The following PARD3B variants were observed in gnomAD, a reference collection of about 807,000 sequenced individuals.
The protein encoded by PARD3B is partitioning defective 3 homolog B.
PARD3B carries 103 observed loss-of-function variants against 130.2 expected under a neutral mutation model. That is an observed-to-expected ratio of 0.79 (90% CI 0.67 to 0.93). The LOEUF is 0.93. Ranked by LOEUF, PARD3B falls within the 40% of genes least tolerant of loss-of-function variation. PARD3B has a pLI of 0.00. For synonymous variants in PARD3B, 583 were observed against 553.2 expected, an observed-to-expected ratio of 1.05 and a Z score of -0.76; for missense variants, 1,609 against 1,499.2, an observed-to-expected ratio of 1.07 and a Z score of -1.21.
At chr2:205,444,422 T>C (rs1299248324) in intron 20 of PARD3B, among the ~76,000 whole-genome samples, 3 of 152,194 alleles carry the variant, frequency 2.0e-5, no homozygotes, top group African/African-American at 7.2e-5. Context: ...ACCACTGTAC[T>C]CCACCCTGGG....
At chr2:205,184,972 C>T (rs1317968769) in intron 13 of PARD3B, among the ~76,000 whole-genome samples, 4 of 152,130 alleles carry the variant, frequency 2.6e-5, no homozygotes, top group East Asian at 3.9e-4. Flanking sequence ...TTATATAATG[C>T]TTTTCATACA....
At chr2:204,601,832 A>C (rs1287094023) in intron 1 of PARD3B, among the ~76,000 whole-genome samples, 1 of 152,042 alleles carries the variant, frequency 6.6e-6, no homozygotes, top group African/African-American at 2.4e-5. Context: ...TTATTCAAAT[A>C]GGTAGTTTCT....
chr2:205,535,401 T>A (rs1320548974), intron 21 of PARD3B, among the ~76,000 whole-genome samples: 1 of 152,100 alleles, frequency 6.6e-6, no homozygotes, highest in Non-Finnish European at 1.5e-5. Flanking sequence ...AACTAAACCA[T>A]CCTTAGAGAT....
At chr2:204,605,843 T>C (rs1182924693) in intron 1 of PARD3B, among the ~76,000 whole-genome samples, 1 of 152,250 alleles carries the variant, frequency 6.6e-6, no homozygotes, top group Non-Finnish European at 1.5e-5. Context: ...TAACATTTTA[T>C]GGCATAGCAT....
At chr2:205,087,810 A>T (rs10932095) in intron 4 of PARD3B, among the ~76,000 whole-genome samples, 58,512 of 148,882 alleles carry the variant, frequency 0.39, 12,133 homozygotes, top group East Asian at 0.55. Flanking sequence ...CAAAAAGGAA[A>T]AACAGCTCTA....
At position 205,585,474 on chromosome 2, in the gene PARD3B, G is replaced by T. The variant is rs867211617; in HGVS notation, c.3261-29982G>T. On this transcript the variant is annotated intron_variant, in intron 22 of 22. Transcript: ENST00000406610. The surrounding 1 kb of genome is among the most constrained non-coding windows in gnomAD (Gnocchi z 5.4). Reference sequence around the variant, plus strand: ...CATTTAATGGGGATGAGAAGGCCAGGATGGTAGCCTCCGGAAGAATCGGCA... The same window carrying T: ...CATTTAATGGGGATGAGAAGGCCAGTATGGTAGCCTCCGGAAGAATCGGCA... Among the ~76,000 whole-genome samples the T allele has an allele frequency of 1.3e-5, 2 of 152,184 alleles. No individual in the cohort carries two copies. Among genetic ancestry groups the T allele is most frequent in the Non-Finnish European group, 2.9e-5 (2 of 68,024 alleles).
At position 205,263,501 on chromosome 2, in the gene PARD3B, T is replaced by G. The variant is rs532632375; in HGVS notation, c.2185+17679T>G. Reference sequence around the variant, plus strand: ...CTTATAAACCTTCAATATGGAACAATTATATGACCACATGCAAAAAGAAAA... The same window carrying G: ...CTTATAAACCTTCAATATGGAACAAGTATATGACCACATGCAAAAAGAAAA... On this transcript the variant is annotated intron_variant, in intron 16 of 22. Transcript: ENST00000406610. This position sits in a 1 kb window ranked among gnomAD's most constrained non-coding sequence, Gnocchi z 4.0. Among the ~76,000 whole-genome samples, 8 of 151,120 alleles carry G rather than the reference T, an allele frequency of 5.3e-5. No homozygotes were observed. Among genetic ancestry groups the G allele is most frequent in the Non-Finnish European group, 1.0e-4 (7 of 67,628 alleles).
chr2:205,554,594 T>C (rs2106501165), intron 22 of PARD3B, among the ~76,000 whole-genome samples: 1 of 152,332 alleles, frequency 6.6e-6, no homozygotes, highest in East Asian at 1.9e-4. Context: ...ATTAGCTTCC[T>C]GTTTCTATTT....
At chr2:205,199,670 A>G (rs1246852870) in intron 15 of PARD3B, among the ~76,000 whole-genome samples, 1 of 152,146 alleles carries the variant, frequency 6.6e-6, no homozygotes, top group Non-Finnish European at 1.5e-5. Flanking sequence ...CCCCTGCTAG[A>G]TGTCAGGTGG....
Position 204,793,820 on chromosome 2 carries a change from T to A in PARD3B, c.222+107538T>A, listed in dbSNP as rs573444588. Among the ~76,000 whole-genome samples the A allele has an allele frequency of 2.6e-5, 4 of 152,270 alleles. No individual in the cohort carries two copies. In the South Asian group the frequency reaches 6.2e-4, roughly 24 times the overall value. On this transcript the variant is annotated intron_variant, in intron 2 of 22. Coordinates refer to ENST00000406610, the MANE Select transcript of PARD3B (RefSeq NM_001302769.2). ...CCACGCCCGGCCATCATTGACCTTT[T>A]TCAGTATAAATGCCCTCTTATTTCC...
intron 2 of PARD3B, among the ~76,000 whole-genome samples, chr2:204,930,701 G>A (rs935705593): frequency 1.3e-5 from 2 of 151,956 alleles, no homozygotes; most frequent in Non-Finnish European, 1.5e-5. Context: ...GGGGCTATTA[G>A]AGCCCTCAAA....
chr2:205,070,280 C>T (rs1700642588), intron 4 of PARD3B, among the ~76,000 whole-genome samples: 1 of 151,954 alleles, frequency 6.6e-6, no homozygotes, highest in Non-Finnish European at 1.5e-5. Context: ...TATCGTGCCC[C>T]ATGAAATTAG....
intron 4 of PARD3B, among the ~76,000 whole-genome samples, chr2:205,095,461 AAGC>A (rs1303888708): frequency 6.6e-6 from 1 of 152,172 alleles, no homozygotes; most frequent in Admixed American, 6.5e-5. Context: ...GAAGATTTTA[AAGC>A]AGCCTTTACT....
chr2:205,165,206 G>T (rs1239413965), intron 11 of PARD3B, among the ~76,000 whole-genome samples: 1 of 152,100 alleles, frequency 6.6e-6, no homozygotes, highest in Non-Finnish European at 1.5e-5. Context: ...TCAGGAAGGA[G>T]ATAGGAAAGG....
At chr2:205,606,986 A>G (rs1169865732) in intron 22 of PARD3B, among the ~76,000 whole-genome samples, 2 of 152,260 alleles carry the variant, frequency 1.3e-5, no homozygotes, top group Admixed American at 6.5e-5. Context: ...GTGTTATTCA[A>G]TAAAGACTCA....
intron 4 of PARD3B, among the ~76,000 whole-genome samples, chr2:205,058,953 CTTT>C (rs67253000): frequency 6.8e-6 from 1 of 147,266 alleles, no homozygotes; most frequent in Non-Finnish European, 1.5e-5. Context: ...TTCAATTTTT[CTTT>C]TTTTTTTTTA....
At chr2:205,320,822 C>G (rs944297378) in intron 18 of PARD3B, among the ~76,000 whole-genome samples, 9 of 152,192 alleles carry the variant, frequency 5.9e-5, no homozygotes, top group African/African-American at 1.9e-4. Flanking sequence ...GGAAGAAAGT[C>G]TAGCTGGGCC....
chr2:204,693,665 T>G (rs143822724), intron 2 of PARD3B, among the ~76,000 whole-genome samples: 1 of 152,072 alleles, frequency 6.6e-6, no homozygotes, highest in East Asian at 1.9e-4. Flanking sequence ...GTCCAAACTT[T>G]GTAGCCATTT....
chr2:205,612,483 T>C (rs2055269461), intron 22 of PARD3B, among the ~76,000 whole-genome samples: 1 of 152,078 alleles, frequency 6.6e-6, no homozygotes, highest in African/African-American at 2.4e-5. Flanking sequence ...ACACACATAA[T>C]AGTCAGAAGA....
Sources: gnomAD v4.1 joint callset for allele counts (sites outside exome capture counted in the v4.1 genomes callset) on GRCh38, gnomAD v4.1.1 for gene constraint, Gnocchi (gnomAD v3.1) non-coding constraint, MANE v1.5 for transcripts, NCBI Gene and HGNC (gene_info 2026-07-23, HGNC 2026-07-21) for gene names.